Variants in NME9 observed in about 807,000 individuals in gnomAD.
NME9 encodes the protein NME/NM23 family member 9, also known as thioredoxin domain-containing protein 6.
Under a neutral mutation model 44.4 loss-of-function variants are expected in NME9, and 48 were observed. The observed-to-expected ratio is 1.08, with a 90% confidence interval of 0.86 to 1.37. The LOEUF is 1.37. Ranked by LOEUF, NME9 falls within the 40% of genes most tolerant of loss-of-function variation. The probability of loss-of-function intolerance (pLI) is 0.00; values close to 1 mark genes in which losing one functional copy is unlikely to be tolerated. For synonymous variants in NME9, 139 were observed against 147.1 expected (o/e 0.94, Z 0.40); for missense variants, 325 against 405.2 (o/e 0.80, Z 1.70).
At chr3:138,328,933 G>A (rs899675158) in intron 1 of NME9, among the ~76,000 whole-genome samples, 8 of 152,182 alleles carry the variant, frequency 5.3e-5, no homozygotes, top group Admixed American at 2.6e-4. Context: ...TATTCTCTGT[G>A]CAAGCTGCAG....
chr3:138,294,588 A>G (rs1242600113), intron 8 of NME9, among the ~76,000 whole-genome samples: 1 of 152,204 alleles, frequency 6.6e-6, no homozygotes, highest in Non-Finnish European at 1.5e-5. Flanking sequence ...TGTGTCCATT[A>G]CTGCAGAAAC....
At chr3:138,297,057 G>A (rs753065930), downstream of NME9, 1 of 152,174 alleles carries the variant, frequency 6.6e-6, no homozygotes, top group African/African-American at 2.4e-5. Flanking sequence ...AGTTTAGAAA[G>A]CTTTCTGTTA....
At chr3:138,315,785 T>A in intron 4 of NME9, 142 bp from the exon 5 acceptor site, 1 of 636,068 alleles carries the variant, frequency 1.6e-6, no homozygotes, top group South Asian at 1.9e-5. Flanking sequence ...TCTGCTGCCC[T>A]CCCTTGGCAG....
At chr3:138,322,977 G>C (rs2108462965) in intron 2 of NME9, among the ~76,000 whole-genome samples, 1 of 152,340 alleles carries the variant, frequency 6.6e-6, no homozygotes, top group African/African-American at 2.4e-5. Context: ...GGACAAAATG[G>C]TTAAGCCTTG....
chr3:138,316,168 G>A (rs980835786), intron 4 of NME9, among the ~76,000 whole-genome samples: 6 of 152,026 alleles, frequency 3.9e-5, no homozygotes, highest in Non-Finnish European at 2.9e-5. Flanking sequence ...CTCTTTTTCT[G>A]ATATCTACCT....
rs181349903 is a variant in NME9, at chr3:138,272,841, C to A, written c.746-10255G>T. ...GAGCCGTTATTGTGCCACTGCACAC[C>A]AGCCTGGGCGACAGAGCAAGACTCT... On this transcript the variant is annotated intron_variant, in intron 8 of 8. Coordinates refer to the NME9 transcript ENST00000317876. The A allele has an allele frequency of 1.0e-4, 85 of 850,814 alleles. No homozygotes were observed. The African/African-American group carries it at 1.4e-3, about 14-fold the overall frequency. 52.7% of individuals were successfully genotyped at this position (850,814 alleles called of 1,614,324 possible). A position where few individuals can be genotyped will look rare whatever the true frequency, so the allele number is the denominator to read the frequency against.
chr3:138,303,877 T>A (rs780728699), intron 9 of NME9, among the ~76,000 whole-genome samples: 1 of 152,170 alleles, frequency 6.6e-6, no homozygotes, highest in Non-Finnish European at 1.5e-5. Flanking sequence ...TCCCATTACA[T>A]TTTCGCCACA....
chr3:138,319,393 T>C (rs1322747462), intron 3 of NME9, 85 bp downstream of exon 3: 1 of 770,346 alleles, frequency 1.3e-6, no homozygotes, highest in Admixed American at 2.0e-5. Flanking sequence ...GAAAGGTCAC[T>C]CTCACACTTC....
chr3:138,318,016 T>A (rs2053203852), intron 4 of NME9, 132 bp downstream of exon 4: 1 of 672,332 alleles, frequency 1.5e-6, no homozygotes, highest in African/African-American at 1.8e-5. Context: ...GCATCACTTG[T>A]TTGAATCTGT....
chr3:138,283,274 CAATTAGCTT>C (rs996644389), intron 8 of NME9, among the ~76,000 whole-genome samples: 5 of 152,182 alleles, frequency 3.3e-5, no homozygotes, highest in Admixed American at 3.3e-4. Flanking sequence ...ACAATCTCCT[CAATTAGCTT>C]AATTAGCTTG....
At chr3:138,302,941 A>T (rs2051947197) in intron 10 of NME9, among the ~76,000 whole-genome samples, 1 of 152,198 alleles carries the variant, frequency 6.6e-6, no homozygotes, top group Admixed American at 6.5e-5. Context: ...TGGGGTTCTC[A>T]CCCAGATTTG....
chr3:138,296,861 C>G (rs2051534502), downstream of NME9: 1 of 152,174 alleles, frequency 6.6e-6, no homozygotes, highest in Non-Finnish European at 1.5e-5. Flanking sequence ...TGCCCTAACT[C>G]CTGTCATTGG....
At chr3:138,313,955 A>G (rs544607894) in intron 6 of NME9, among the ~76,000 whole-genome samples, 10 of 152,376 alleles carry the variant, frequency 6.6e-5, no homozygotes, top group Non-Finnish European at 1.2e-4. Context: ...GGTACAATCT[A>G]CAGATAGACA....
At chr3:138,324,509 C>T (rs1178860284) in intron 2 of NME9, 1 of 467,512 alleles carries the variant, frequency 2.1e-6, no homozygotes, top group Admixed American at 2.3e-5. Context: ...GTCCCAGGTT[C>T]AAGTCCCAGT....
rs2053985259 is a variant in NME9 at position 138,329,355 on chromosome 3, AGCCCTGTTACC to A, written c.-31_-21del. Reference sequence around the variant, plus strand: ...GCCCATGGCTCTGCAAAGAAGACGAAGCCCTGTTACCGCGGCCGTGGGCCGTTCCCCCGCAG... The same window carrying A: ...GCCCATGGCTCTGCAAAGAAGACGAAGCGGCCGTGGGCCGTTCCCCCGCAG... On this transcript the variant is annotated 5_prime_UTR_variant, in exon 1 of 11. Transcript: ENST00000333911. 6.5e-7 allele frequency: 1 copy of A among 1,535,840 alleles called. No homozygotes were observed. Among genetic ancestry groups the A allele is most frequent in the African/African-American group, 1.4e-5 (1 of 73,030 alleles).
chr3:138,302,726 T>C (rs1314980220), intron 10 of NME9, among the ~76,000 whole-genome samples: 3 of 152,236 alleles, frequency 2.0e-5, no homozygotes, highest in Non-Finnish European at 2.9e-5. Context: ...TTTAGGCAAA[T>C]ATATTGATTA....
rs1229255017 is a variant in NME9 at position 138,301,733 on chromosome 3, T to G, written c.929-29A>C. 3.3e-6 allele frequency: 5 copies of G among 1,510,816 alleles called. No individual in the cohort carries two copies. The Admixed American group carries it at 9.8e-5, about 30-fold the overall frequency. The allele number at this position is 1,510,816 out of a possible 1,614,324, so 93.6% of individuals were successfully genotyped here. On this transcript the variant is annotated intron_variant, in intron 10 of 10. Transcript: ENST00000333911. Reference sequence around the variant, plus strand: ...TGGGATGACAGATGTTTGGTAGGACTCCTGAAACAGCCCTGTCCCAGACCT... The same window carrying G: ...TGGGATGACAGATGTTTGGTAGGACGCCTGAAACAGCCCTGTCCCAGACCT...
At position 138,266,472 on chromosome 3, in the gene NME9, G is replaced by A. The variant is rs926076644; in HGVS notation, c.746-3886C>T. ...ATTCATGTACCTATTTAGTTGTTGA[G>A]CCCAAATTTGTATCCAAGTAGTCTT... is the stretch of plus-strand genomic sequence containing the variant. On this transcript the variant is annotated intron_variant, in intron 8 of 8. Coordinates refer to the NME9 transcript ENST00000317876. Among the ~76,000 whole-genome samples, 12 of 152,098 alleles carry A rather than the reference G, an allele frequency of 7.9e-5. No homozygotes were observed. In the South Asian group the frequency reaches 8.3e-4, roughly 11 times the overall value.
At chr3:138,264,889 C>A (rs979278847) in intron 8 of NME9, among the ~76,000 whole-genome samples, 14 of 150,830 alleles carry the variant, frequency 9.3e-5, no homozygotes, top group Non-Finnish European at 1.8e-4. Flanking sequence ...CTCGGCAATC[C>A]CTGGATTTTT....
Sources: gnomAD v4.1 joint callset for allele counts (sites outside exome capture counted in the v4.1 genomes callset) on GRCh38, gnomAD v4.1.1 for gene constraint, MANE v1.5 for transcripts, NCBI Gene and HGNC (gene_info 2026-07-23, HGNC 2026-07-21) for gene names.